The following IQGAP1 variants were observed in gnomAD, a reference collection of about 807,000 sequenced individuals.
IQGAP1 encodes the protein ras GTPase-activating-like protein IQGAP1.
In IQGAP1, 66 loss-of-function variants were observed where a neutral mutation model predicts 215.6. The observed-to-expected ratio is 0.31, with a 90% CI of 0.25 to 0.38. The LOEUF is 0.38. Among genes scored for constraint, IQGAP1 ranks in the 10% least tolerant of loss-of-function variants. The pLI is 1.00. For synonymous variants in IQGAP1, 772 were observed against 728.7 expected (o/e 1.06, Z -0.96); for missense variants, 1,712 against 1,997.1 (o/e 0.86, Z 2.72).
At position 90,477,078 on chromosome 15, in the gene IQGAP1, C is replaced by G. The variant is rs1413461402; in HGVS notation, c.2952C>G (p.Thr984=). 1.9e-6 allele frequency: 3 copies of G among 1,614,070 alleles called. No individual in the cohort carries two copies. The highest frequency in any genetic ancestry group is 2.5e-6 in the Non-Finnish European group (3 of 1,179,990). Reference sequence around the variant, plus strand: ...TGGTTTTATTTCAGACCAATCCCACCTATCTGGCCAAGCTCATTTTTCAGA... The same window carrying G: ...TGGTTTTATTTCAGACCAATCCCACGTATCTGGCCAAGCTCATTTTTCAGA... The part of the protein sequence containing the change: ...HLFYLLQTNP[T]YLAKLIFQMP... The change falls in exon 25 of 38, where the codon ACC becomes ACG. Residue 984 remains threonine (T), a synonymous_variant. Coordinates refer to ENST00000268182, the MANE Select transcript of IQGAP1 (RefSeq NM_003870.4).
chr15:90,443,042 C>A (rs1965474382), intron 8 of IQGAP1, among the ~76,000 whole-genome samples: 1 of 151,858 alleles, frequency 6.6e-6, no homozygotes. Context: ...TCACTGCAGC[C>A]TTGAACTTCT....
intron 2 of IQGAP1, among the ~76,000 whole-genome samples, chr15:90,419,723 A>G (rs1189909683): frequency 6.6e-6 from 1 of 152,250 alleles, no homozygotes; most frequent in African/African-American, 2.4e-5. Context: ...TAGCAGCTCT[A>G]TATTCGGGGA....
intron 33 of IQGAP1, among the ~76,000 whole-genome samples, chr15:90,488,727 G>A (rs1319605830): frequency 1.3e-5 from 2 of 152,184 alleles, no homozygotes; most frequent in Non-Finnish European, 2.9e-5. Context: ...ATGTATAAAG[G>A]TGGAAAGGAT....
chr15:90,423,755 C>T (rs1015431010), intron 2 of IQGAP1, among the ~76,000 whole-genome samples: 6 of 152,180 alleles, frequency 3.9e-5, no homozygotes, highest in Non-Finnish European at 8.8e-5. Context: ...TGACCTGACA[C>T]CTGTGTTATA....
chr15:90,411,890 C>T (rs542797816), intron 2 of IQGAP1, among the ~76,000 whole-genome samples: 1 of 151,958 alleles, frequency 6.6e-6, no homozygotes, highest in Admixed American at 6.6e-5. Flanking sequence ...ATCTATTAGC[C>T]GAGACTTAAA....
intron 2 of IQGAP1, among the ~76,000 whole-genome samples, chr15:90,415,460 C>A (rs1965031652): frequency 6.6e-6 from 1 of 151,992 alleles, no homozygotes; most frequent in African/African-American, 2.4e-5. Context: ...TTTCTGATTT[C>A]TGCTTCTGTA....
At position 90,481,976 on chromosome 15, in the gene IQGAP1, G is replaced by A; in HGVS notation, c.3346G>A (p.Val1116Met). The A allele has an allele frequency of 6.2e-7, 1 of 1,614,218 alleles. No individual in the cohort carries two copies. The highest frequency in any genetic ancestry group is 2.2e-5 in the East Asian group (1 of 44,890). Residue 1116 changes from valine to methionine, a missense_variant, in exon 27 of 38, where the codon GTG becomes ATG. Physicochemically the swap from Val to Met is conservative, Grantham distance 21. This residue lies in a region of IQGAP1 where 691 missense variants were observed against 923.0 expected (regional missense o/e 0.75). Transcript: ENST00000268182. ...TGEASKLPYD[V>M]TPEQALAHEE... ...TCTTCCCAGCAAACTGCCCTATGAT[G>A]TGACCCCTGAGCAGGCGCTAGCTCA...
At position 90,481,914 on chromosome 15, in the gene IQGAP1, C is replaced by G. The variant is rs766043078; in HGVS notation, c.3330-46C>G. The stretch of plus-strand genomic sequence containing the variant: ...ATAAGACACTTGCTTCAGGCTGTTC[C>G]TGGCTGTTAGTCTAACATAGTTGGG... On this transcript the variant is annotated intron_variant, in intron 26 of 37. Transcript: ENST00000268182. The G allele has an allele frequency of 3.7e-6, 6 of 1,605,476 alleles. 1 individual carries two copies. In the South Asian group the frequency reaches 5.5e-5, roughly 15 times the overall value.
chr15:90,473,072 C>A, intron 19 of IQGAP1, 62 bp downstream of exon 19: 1 of 1,465,942 alleles, frequency 6.8e-7, no homozygotes. Context: ...AATAAACGGT[C>A]AGCTGTCACC....
chr15:90,442,468 A>T (rs950400721), intron 8 of IQGAP1, among the ~76,000 whole-genome samples: 4 of 152,030 alleles, frequency 2.6e-5, no homozygotes. Flanking sequence ...AAAACTTCAC[A>T]CAAATTTATC....
chr15:90,429,653 T>C lies in IQGAP1; in HGVS notation c.377T>C (p.Ile126Thr). 1.2e-6 allele frequency: 2 copies of C among 1,607,090 alleles called. No homozygotes were observed. Among genetic ancestry groups the C allele is most frequent in the South Asian group, 2.2e-5 (2 of 89,676 alleles). The change falls in exon 4 of 38, where the codon ATT (isoleucine) becomes ACT (threonine). Residue 126 changes from isoleucine (I) to threonine (T), a missense_variant. By Grantham distance (89) the Ile-to-Thr change is moderately conservative. This residue lies in a region of IQGAP1 where 1,021 missense variants were observed against 1,074.2 expected (regional missense o/e 0.95). Transcript: ENST00000268182. Reference protein sequence around the residue: ...VIQWLNAMDEIGLPKIFYPET... With the variant: ...VIQWLNAMDETGLPKIFYPET... ...CAGTGGTTGAATGCCATGGATGAGA[T>C]TGGATTGCCTAAGGTAACTTACCTG...
intron 26 of IQGAP1, among the ~76,000 whole-genome samples, chr15:90,480,644 G>C (rs1320214772): frequency 6.6e-6 from 1 of 152,004 alleles, no homozygotes; most frequent in Non-Finnish European, 1.5e-5. Context: ...AATGAAGAGG[G>C]GTATCCCTAT....
chr15:90,439,805 A>G (rs545863910), intron 6 of IQGAP1, among the ~76,000 whole-genome samples: 1 of 152,276 alleles, frequency 6.6e-6, no homozygotes, highest in South Asian at 2.1e-4. Context: ...TGACACAAAG[A>G]TGCCAATTTA....
intron 34 of IQGAP1, 36 bp from the exon 35 acceptor site, chr15:90,492,507 CTG>C (rs757783293): frequency 2.7e-6 from 4 of 1,499,316 alleles, no homozygotes; most frequent in South Asian, 2.5e-5. Flanking sequence ...ATAATGATAA[CTG>C]TCGTTATTTT....
chr15:90,478,852 G>C lies in IQGAP1; in HGVS notation c.3329+963G>C, dbSNP rs139776647. Among the ~76,000 whole-genome samples the C allele has an allele frequency of 3.0e-4, 45 of 152,282 alleles. No individual in the cohort carries two copies. The Middle Eastern group carries it at 0.01, about 35-fold the overall frequency. ...GTGGAGTGAGCTTCCCTGAAATATC[G>C]TGAGTTGGGCTAATTAAATTAACGT... On this transcript the variant is annotated intron_variant, in intron 26 of 37. Coordinates refer to ENST00000268182, the MANE Select transcript of IQGAP1 (RefSeq NM_003870.4).
chr15:90,444,243 C>CTCTGTG (rs1555437776), intron 9 of IQGAP1, among the ~76,000 whole-genome samples: 3 of 126,944 alleles, frequency 2.4e-5, no homozygotes, highest in Non-Finnish European at 3.2e-5. Context: ...TCCTTCAAAA[C>CTCTGTG]TGTGTGTGTG....
intron 17 of IQGAP1, 46 bp downstream of exon 17, chr15:90,466,482 G>A (rs780629744): frequency 2.5e-6 from 4 of 1,575,380 alleles, no homozygotes; most frequent in Non-Finnish European, 3.5e-6. Context: ...TAACCCTTGA[G>A]TATATGAGGG....
rs556017300 is a variant in IQGAP1, at chr15:90,484,101, G to T, written c.3789-119G>T. The T allele has an allele frequency of 7.3e-5, 62 of 848,066 alleles. 1 individual carries two copies. In the South Asian group the frequency reaches 1.0e-3, roughly 14 times the overall value. The allele number at this position is 848,066 out of a possible 1,614,324, so 52.5% of individuals were successfully genotyped here. On this transcript the variant is annotated intron_variant, in intron 29 of 37. Transcript: ENST00000268182. ...CAGCAAACACACAGCACTTTCTCTT[G>T]AAGTAACTGTTGACTGGCTTCTGTT...
In IQGAP1 at chr15:90,456,229, C is replaced by A. The variant is rs757263993; in HGVS notation, c.1690C>A (p.Pro564Thr). The change falls in exon 15 of 38, where the codon CCT (proline) becomes ACT (threonine). Residue 564 changes from proline (P) to threonine (T), a missense_variant. Pro to Thr is a conservative substitution (Grantham distance 38). This residue lies in a region of IQGAP1 where 1,021 missense variants were observed against 1,074.2 expected (regional missense o/e 0.95). Coordinates refer to ENST00000268182, the MANE Select transcript of IQGAP1 (RefSeq NM_003870.4). ...AAAGACTCTGCAGGCCCTACAGATTCCTGCAGCTAAACTTGAGGGAGTCCT... is the reference window on the plus strand; with the variant it reads ...AAAGACTCTGCAGGCCCTACAGATTACTGCAGCTAAACTTGAGGGAGTCCT... Reference protein sequence around the residue: ...AQKTLQALQIPAAKLEGVLAE... With the variant: ...AQKTLQALQITAAKLEGVLAE... The A allele has an allele frequency of 4.3e-6, 7 of 1,614,120 alleles. No individual in the cohort carries two copies. Among genetic ancestry groups the A allele is most frequent in the Non-Finnish European group, 5.9e-6 (7 of 1,180,010 alleles).
Sources: gnomAD v4.1 joint callset for allele counts (sites outside exome capture counted in the v4.1 genomes callset) on GRCh38, gnomAD v4.1.1 for gene constraint, gnomAD v4.1.1 regional missense constraint, MANE v1.5 for transcripts, NCBI Gene and HGNC (gene_info 2026-07-23, HGNC 2026-07-21) for gene names.